Variants in RNF6 observed in about 807,000 individuals in gnomAD.
RNF6 encodes E3 ubiquitin-protein ligase RNF6.
RNF6 carries 21 observed loss-of-function variants against 50.1 expected under a neutral mutation model. The observed-to-expected ratio is 0.42, with a 90% CI of 0.30 to 0.60. RNF6 has a LOEUF of 0.60. Among genes scored for constraint, RNF6 ranks in the 20% least tolerant of loss-of-function variants. RNF6 has a pLI of 0.20. For missense variants in RNF6, 698 were observed against 838.2 expected (o/e 0.83, Z 2.07); for synonymous variants, 255 against 291.8 (o/e 0.87, Z 1.29).
At chr13:26,136,836 G>A (rs1870669697) in intron 5 of RNF6, among the ~76,000 whole-genome samples, 1 of 152,058 alleles carries the variant, frequency 6.6e-6, no homozygotes, top group African/African-American at 2.4e-5. Flanking sequence ...TGAGAAAACT[G>A]GCAAAAGTCA....
At chr13:26,139,101 A>T (rs536651292) in intron 5 of RNF6, among the ~76,000 whole-genome samples, 75 of 152,298 alleles carry the variant, frequency 4.9e-4, no homozygotes, top group Middle Eastern at 3.4e-3. Flanking sequence ...TCCCAGGGCT[A>T]GCCAATGCTT....
intron 5 of RNF6, among the ~76,000 whole-genome samples, chr13:26,137,525 T>G (rs951693695): frequency 1.3e-5 from 2 of 151,992 alleles, no homozygotes; most frequent in African/African-American, 4.8e-5. Flanking sequence ...ACTTTGGGCT[T>G]ATTAGACAGA....
chr13:26,193,049 TA>T (rs1481049666), intron 5 of RNF6, among the ~76,000 whole-genome samples: 1 of 152,164 alleles, frequency 6.6e-6, no homozygotes, highest in East Asian at 1.9e-4. Flanking sequence ...AAAACTGGGT[TA>T]GGGGAACCAG....
chr13:26,145,450 A>AATTGGGGGGGG (rs1871179025), intron 5 of RNF6, among the ~76,000 whole-genome samples: 1 of 27,418 alleles, frequency 3.6e-5, no homozygotes, highest in Non-Finnish European at 7.9e-5. Context: ...AATCATGGGG[A>AATTGGGGGGGG]GGGGGGGGGA....
chr13:26,139,880 C>T (rs940765705), intron 5 of RNF6, among the ~76,000 whole-genome samples: 1 of 151,906 alleles, frequency 6.6e-6, no homozygotes, highest in African/African-American at 2.4e-5. Context: ...ACTGTGTCCC[C>T]CAGGGTGATC....
At chr13:26,186,635 C>T (rs1873548688) in intron 5 of RNF6, among the ~76,000 whole-genome samples, 1 of 152,254 alleles carries the variant, frequency 6.6e-6, no homozygotes, top group African/African-American at 2.4e-5. Context: ...GTCGTCTTCT[C>T]AGCTCTCACA....
At chr13:26,189,273 A>G (rs1001578362) in intron 5 of RNF6, among the ~76,000 whole-genome samples, 3 of 152,048 alleles carry the variant, frequency 2.0e-5, no homozygotes, top group Admixed American at 6.5e-5. Context: ...GGTTGCAGTG[A>G]GCCAAGGTCA....
Position 26,164,979 on chromosome 13 carries a change from T to A in RNF6, n.769-32528A>T, listed in dbSNP as rs931221519. On this transcript the variant is annotated intron_variant and non_coding_transcript_variant, in intron 5 of 5. Transcript: ENST00000468480. Reference sequence around the variant, plus strand: ...TAAGTGACAATGAGCCGAATGTTAATCCCCAAGACAATGGGGAAAATGTCT... The same window carrying A: ...TAAGTGACAATGAGCCGAATGTTAAACCCCAAGACAATGGGGAAAATGTCT... Among the ~76,000 whole-genome samples, 28 of 152,152 alleles carry A rather than the reference T, an allele frequency of 1.8e-4. 1 individual carries two copies. Among genetic ancestry groups the A allele is most frequent in the Admixed American group, 1.8e-3 (27 of 15,264 alleles).
intron 5 of RNF6, among the ~76,000 whole-genome samples, chr13:26,172,097 T>C (rs1872720602): frequency 6.6e-6 from 1 of 152,204 alleles, no homozygotes; most frequent in Non-Finnish European, 1.5e-5. Flanking sequence ...ATAAGATATA[T>C]AACTGATATT....
At chr13:26,216,963 A>C (rs2137773382) in intron 4 of RNF6, among the ~76,000 whole-genome samples, 1 of 152,316 alleles carries the variant, frequency 6.6e-6, no homozygotes, top group East Asian at 1.9e-4. Context: ...TCAAAAAATA[A>C]ATAAACAAAT....
chr13:26,184,806 C>A (rs1380901281), intron 5 of RNF6, among the ~76,000 whole-genome samples: 1 of 152,168 alleles, frequency 6.6e-6, no homozygotes, highest in Admixed American at 6.5e-5. Context: ...AGCATACACA[C>A]TGTGCAGGCC....
intron 5 of RNF6, among the ~76,000 whole-genome samples, chr13:26,168,345 T>C (rs545249366): frequency 1.4e-4 from 21 of 152,344 alleles, no homozygotes; most frequent in African/African-American, 4.8e-4. Flanking sequence ...CAGGCCCTTC[T>C]GCGTGAGATA....
At chr13:26,174,587 C>T (rs976766247) in intron 5 of RNF6, among the ~76,000 whole-genome samples, 13 of 151,872 alleles carry the variant, frequency 8.6e-5, no homozygotes, top group South Asian at 4.2e-4. Context: ...CACTTGAATC[C>T]GGGAGGCGGA....
At chr13:26,177,081 A>G (rs1872992392) in intron 5 of RNF6, among the ~76,000 whole-genome samples, 1 of 152,190 alleles carries the variant, frequency 6.6e-6, no homozygotes, top group Admixed American at 6.5e-5. Context: ...CACCAGAGCT[A>G]GGAAAAGGCA....
Position 26,214,870 on chromosome 13 carries a change from T to C in RNF6, c.1012A>G (p.Arg338Gly). 1 of 1,614,244 alleles carries C rather than the reference T, an allele frequency of 6.2e-7. No homozygotes were observed. The change falls in exon 5 of 5, where the codon AGA becomes GGA. Residue 338 changes from arginine to glycine, a missense_variant. Arg to Gly is a moderately radical substitution (Grantham distance 125). Coordinates refer to ENST00000381588, the MANE Select transcript of RNF6 (RefSeq NM_005977.4). Reference sequence around the variant, plus strand: ...CTACCTCTCCTCCTAACAGATCTTCTAGTGGTTTGCTGTACTGGTCTACTT... The same window carrying C: ...CTACCTCTCCTCCTAACAGATCTTCCAGTGGTTTGCTGTACTGGTCTACTT... ...RESRPVQQTT[R>G]RSVRRRGRTR...
chr13:26,184,016 ATATTTTTTTTTTTTTT>A (rs1230577236), intron 5 of RNF6, among the ~76,000 whole-genome samples: 3 of 38,580 alleles, frequency 7.8e-5, no homozygotes, highest in South Asian at 9.1e-4. Flanking sequence ...ATATATATAT[ATATTTTTTTTTTTTTT>A]TTTTTTTTTT....
intron 5 of RNF6, among the ~76,000 whole-genome samples, chr13:26,146,095 G>T (rs1014294336): frequency 1.3e-5 from 2 of 152,204 alleles, no homozygotes; most frequent in African/African-American, 4.8e-5. Flanking sequence ...GTGTCCAAAA[G>T]TCCCCAGGAA....
chr13:26,188,905 A>G (rs538047034), intron 5 of RNF6, among the ~76,000 whole-genome samples: 11 of 152,058 alleles, frequency 7.2e-5, no homozygotes, highest in Admixed American at 2.0e-4. Context: ...TGGGATTACA[A>G]GCATGAGCCA....
At chr13:26,185,654 G>A (rs987479157) in intron 5 of RNF6, among the ~76,000 whole-genome samples, 3 of 152,150 alleles carry the variant, frequency 2.0e-5, no homozygotes, top group African/African-American at 7.2e-5. Context: ...GCTGAGGCAG[G>A]AGAATCGCTT....
Sources: allele counts gnomAD v4.1 joint callset (sites outside exome capture counted in the v4.1 genomes callset), GRCh38; gene constraint gnomAD v4.1.1; transcripts MANE v1.5; gene names NCBI Gene and HGNC (gene_info 2026-07-23, HGNC 2026-07-21).